The following RRBP1 variants were observed in gnomAD, a reference collection of about 807,000 sequenced individuals.
The protein encoded by RRBP1 is ribosome-binding protein 1.
RRBP1 carries 94 observed loss-of-function variants against 165.2 expected under a neutral mutation model. The observed-to-expected ratio is 0.57, with a 90% CI of 0.48 to 0.68. RRBP1 has a LOEUF of 0.68. Ranked by LOEUF, RRBP1 falls within the 30% of genes least tolerant of loss-of-function variation. RRBP1 has a pLI of 0.00. For synonymous variants in RRBP1, 680 were observed against 714.5 expected, an observed-to-expected ratio of 0.95 and a Z score of 0.77; for missense variants, 1,676 against 1,763.0, an observed-to-expected ratio of 0.95 and a Z score of 0.88.
At position 17,629,896 on chromosome 20, in the gene RRBP1, G is replaced by A; in HGVS notation, c.2676C>T (p.Cys892=). The A allele has an allele frequency of 6.2e-7, 1 of 1,600,366 alleles. No individual in the cohort carries two copies. The highest frequency in any genetic ancestry group is 8.5e-7 in the Non-Finnish European group (1 of 1,179,514). The change falls in exon 9 of 25, where the codon TGC becomes TGT. Residue 892 remains cysteine, a synonymous_variant. Coordinates refer to ENST00000377813, the MANE Select transcript of RRBP1 (RefSeq NM_001365613.2). ...GGCTGGCGTGGCTGCTCTGCGTGTG[G>A]CACAGCTCCCGGCTGACCTCGTCCA... ...KRLDEVSREL[C]HTQSSHASLR...
intron 2 of RRBP1, among the ~76,000 whole-genome samples, chr20:17,666,222 C>T (rs1040701688): frequency 2.6e-5 from 4 of 152,054 alleles, no homozygotes; most frequent in African/African-American, 4.8e-5. Flanking sequence ...ATGTTTTCTT[C>T]GAAGCCAGGC....
rs576518762 is a variant in RRBP1 at position 17,629,008 on chromosome 20, C to T, written c.2749+815G>A. Among the ~76,000 whole-genome samples, 318 of 151,210 alleles carry T rather than the reference C, an allele frequency of 2.1e-3. 2 individuals carry two copies. The highest frequency in any genetic ancestry group is 3.4e-3 in the Middle Eastern group (1 of 294). On this transcript the variant is annotated intron_variant, in intron 9 of 24. Coordinates refer to ENST00000377813, the MANE Select transcript of RRBP1 (RefSeq NM_001365613.2). ...ACAGAAACAGTTCACCCGGTGTTAA[C>T]GGGCACTTTTGCCCACTGTGGCAGA...
intron 2 of RRBP1, among the ~76,000 whole-genome samples, chr20:17,673,132 G>C (rs2037011021): frequency 6.6e-6 from 1 of 152,312 alleles, no homozygotes; most frequent in South Asian, 2.1e-4. Flanking sequence ...CTTTAATAAA[G>C]AGTTTAAAAT....
chr20:17,654,544 G>A (rs79614071), intron 3 of RRBP1, among the ~76,000 whole-genome samples: 1,726 of 152,316 alleles, frequency 0.011, 74 homozygotes, highest in East Asian at 0.073. Flanking sequence ...GTGTGTGTTT[G>A]CTAGTGACTC....
At chr20:17,654,782 C>T (rs1371637598) in intron 3 of RRBP1, among the ~76,000 whole-genome samples, 2 of 152,196 alleles carry the variant, frequency 1.3e-5, no homozygotes, top group African/African-American at 4.8e-5. Flanking sequence ...CTCTGCACTT[C>T]ACCCCCGAAC....
At chr20:17,623,913 C>CA (rs1277013924) in intron 13 of RRBP1, among the ~76,000 whole-genome samples, 3 of 150,626 alleles carry the variant, frequency 2.0e-5, no homozygotes, top group African/African-American at 7.4e-5. Flanking sequence ...GCCTGGGCGA[C>CA]AGAGCAAGAC....
At chr20:17,621,126 G>T (rs1342914505) in intron 16 of RRBP1, among the ~76,000 whole-genome samples, 1 of 152,202 alleles carries the variant, frequency 6.6e-6, no homozygotes, top group African/African-American at 2.4e-5. Context: ...CACAGGATGG[G>T]CTGGCCAGAG....
At chr20:17,651,551 C>T (rs972332923) in intron 3 of RRBP1, among the ~76,000 whole-genome samples, 5 of 152,158 alleles carry the variant, frequency 3.3e-5, no homozygotes, top group African/African-American at 1.2e-4. Context: ...AGGTGCAATA[C>T]GGAAAGATGT....
At chr20:17,679,306 G>A (rs2037137184) in intron 2 of RRBP1, among the ~76,000 whole-genome samples, 1 of 152,188 alleles carries the variant, frequency 6.6e-6, no homozygotes, top group South Asian at 2.1e-4. Context: ...AGGTATGGGG[G>A]CGCTGTCCGC....
At chr20:17,650,422 A>C (rs576381903) in intron 3 of RRBP1, among the ~76,000 whole-genome samples, 2 of 152,300 alleles carry the variant, frequency 1.3e-5, no homozygotes, top group African/African-American at 4.8e-5. Flanking sequence ...CAGGCTGGGG[A>C]AAGAGGGCCC....
In RRBP1 at chr20:17,627,560, G is replaced by C. The variant is rs41276394; in HGVS notation, c.2872C>G (p.Arg958Gly). The C allele has an allele frequency of 1.9e-6, 3 of 1,613,358 alleles. No individual in the cohort carries two copies. The African/African-American group carries it at 4.0e-5, about 22-fold the overall frequency. Residue 958 changes from arginine (R) to glycine (G), a missense_variant, in exon 10 of 25, where the codon CGT (arginine) becomes GGT (glycine). By Grantham distance (125) the Arg-to-Gly change is moderately radical (BLOSUM62 -2). This residue lies in a region of RRBP1 where 1,184 missense variants were observed against 1,167.1 expected (regional missense o/e 1.01). Coordinates refer to ENST00000377813, the MANE Select transcript of RRBP1 (RefSeq NM_001365613.2). ...AENSQLTERI[R>G]SIEALLEAGQ... Reference sequence around the variant, plus strand: ...GCCTCCAGCAGGGCCTCAATGGAACGGATTCTCTCTGTGAGCTGGGAGTTC... The same window carrying C: ...GCCTCCAGCAGGGCCTCAATGGAACCGATTCTCTCTGTGAGCTGGGAGTTC...
At chr20:17,642,020 A>T in intron 4 of RRBP1, 101 bp from the exon 5 acceptor site, 1 of 1,321,718 alleles carries the variant, frequency 7.6e-7, no homozygotes. Flanking sequence ...GATGAAGTGG[A>T]GCAGGGGCTT....
chr20:17,621,592 T>A (rs2035914704), intron 15 of RRBP1, 45 bp from the exon 16 acceptor site: 1 of 1,594,230 alleles, frequency 6.3e-7, no homozygotes, highest in Non-Finnish European at 8.6e-7. Context: ...CACACAAAGG[T>A]TCTTCTCTTG....
chr20:17,613,786 C>A lies in RRBP1; in HGVS notation c.*396G>T, dbSNP rs867350569. The stretch of plus-strand genomic sequence containing the variant: ...GGGCTGTGGCCTCCAGTCGGCCCCA[C>A]AGCCTTTGAGAACTGGCTGCCCGGT... On this transcript the variant is annotated 3_prime_UTR_variant, in exon 25 of 25. Transcript: ENST00000377813. 5 of 199,270 alleles carry A rather than the reference C, an allele frequency of 2.5e-5. No homozygotes were observed. Among genetic ancestry groups the A allele is most frequent in the Middle Eastern group, 2.0e-3 (1 of 494 alleles). 12.3% of individuals were successfully genotyped at this position (199,270 alleles called of 1,614,324 possible).
chr20:17,626,365 A>T (rs923549796), intron 11 of RRBP1, among the ~76,000 whole-genome samples: 1 of 152,212 alleles, frequency 6.6e-6, no homozygotes, highest in Non-Finnish European at 1.5e-5. Context: ...TTTTTGGGAA[A>T]GGAAGGTGGA....
At chr20:17,666,703 G>C (rs535218896) in intron 2 of RRBP1, among the ~76,000 whole-genome samples, 2 of 152,352 alleles carry the variant, frequency 1.3e-5, no homozygotes, top group African/African-American at 4.8e-5. Flanking sequence ...AGCAGAGTCT[G>C]TGCAATAAGC....
At chr20:17,637,195 C>T (rs372339705) in intron 5 of RRBP1, among the ~76,000 whole-genome samples, 7 of 152,016 alleles carry the variant, frequency 4.6e-5, no homozygotes, top group Admixed American at 2.0e-4. Flanking sequence ...CCAGTTCCGC[C>T]GTGGCTGGGG....
chr20:17,681,853 G>A (rs1009658422), intron 1 of RRBP1, among the ~76,000 whole-genome samples, 175 bp downstream of exon 1: 17 of 146,694 alleles, frequency 1.2e-4, no homozygotes, highest in South Asian at 2.1e-4. Context: ...CCCCCGCCCC[G>A]AGTCCGACCC....
At chr20:17,667,736 C>T (rs1209547403) in intron 2 of RRBP1, among the ~76,000 whole-genome samples, 2 of 152,236 alleles carry the variant, frequency 1.3e-5, no homozygotes, top group Non-Finnish European at 2.9e-5. Context: ...TACCCAAATG[C>T]TGGCCATCTG....
Sources: allele counts gnomAD v4.1 joint callset (sites outside exome capture counted in the v4.1 genomes callset), GRCh38; gene constraint gnomAD v4.1.1; regional missense constraint gnomAD v4.1.1; transcripts MANE v1.5; gene names NCBI Gene and HGNC (gene_info 2026-07-23, HGNC 2026-07-21).